Variants in ARHGAP23 observed in about 807,000 individuals in gnomAD.
ARHGAP23 encodes Rho GTPase activating protein 23.
ARHGAP23 carries 34 observed loss-of-function variants against 136.3 expected under a neutral mutation model. The observed-to-expected ratio is 0.25, with a 90% CI of 0.19 to 0.33. The LOEUF is 0.33. Among genes scored for constraint, ARHGAP23 ranks in the 10% least tolerant of loss-of-function variants. ARHGAP23 has a pLI of 1.00. For synonymous variants in ARHGAP23, 832 were observed against 920.5 expected (o/e 0.90, Z 1.74); for missense variants, 1,808 against 2,139.0 (o/e 0.85, Z 3.05).
At chr17:38,449,809 G>T (rs2039119137) in intron 1 of ARHGAP23, among the ~76,000 whole-genome samples, 1 of 152,158 alleles carries the variant, frequency 6.6e-6, no homozygotes, top group Non-Finnish European at 1.5e-5. Flanking sequence ...CTGGCAGTTT[G>T]GGGCCCACAT....
intron 10 of ARHGAP23, among the ~76,000 whole-genome samples, chr17:38,471,340 C>T (rs1363649373): frequency 2.0e-5 from 3 of 152,188 alleles, no homozygotes; most frequent in Admixed American, 6.5e-5. Context: ...GGTTGAACAC[C>T]CTGGTGATAT....
At chr17:38,445,652 T>TG (rs1267168840) in intron 1 of ARHGAP23, among the ~76,000 whole-genome samples, 8 of 144,578 alleles carry the variant, frequency 5.5e-5, no homozygotes, top group Non-Finnish European at 1.1e-4. Flanking sequence ...TTTTTTTTTT[T>TG]GAGACAGGGT....
Position 38,462,947 on chromosome 17 carries a change from C to G in ARHGAP23, c.349+6C>G. On this transcript the variant is annotated splice_donor_region_variant and intron_variant, in intron 4 of 23. Transcript: ENST00000622683. ...TAGGGCGGGGCTTCGCACAGGTGAG[C>G]TGGCCCAGTTACCTGGGCTCTACTT... The G allele has an allele frequency of 3.2e-6, 5 of 1,544,236 alleles. No homozygotes were observed. The highest frequency in any genetic ancestry group is 4.4e-6 in the Non-Finnish European group (5 of 1,144,952).
At chr17:38,478,399 G>T (rs116346915) in intron 12 of ARHGAP23, among the ~76,000 whole-genome samples, 1 of 148,438 alleles carries the variant, frequency 6.7e-6, no homozygotes, top group Non-Finnish European at 1.5e-5. Flanking sequence ...CAAGGGCCTC[G>T]GCAGGGATTT....
intron 1 of ARHGAP23, among the ~76,000 whole-genome samples, chr17:38,455,616 C>G (rs995238793): frequency 3.9e-5 from 6 of 152,284 alleles, no homozygotes; most frequent in Non-Finnish European, 7.4e-5. Context: ...GTGGCTTGAA[C>G]CTTAATCCAG....
In ARHGAP23 at chr17:38,441,754, G is replaced by C. The variant is rs572582705; in HGVS notation, c.63+13206G>C. On this transcript the variant is annotated intron_variant, in intron 1 of 23. Coordinates refer to ENST00000622683, the MANE Select transcript of ARHGAP23 (RefSeq NM_001199417.2). ...TGAGTCAAGGGAAGAAGGGGACGGG[G>C]AGGGGGCAGGCAGGCACTGTATTAT... Among the ~76,000 whole-genome samples, 4 of 152,318 alleles carry C rather than the reference G, an allele frequency of 2.6e-5. No individual in the cohort carries two copies. The South Asian group carries it at 8.3e-4, about 32-fold the overall frequency.
At chr17:38,453,898 C>T (rs1291543800) in intron 1 of ARHGAP23, 1 of 145,298 alleles carries the variant, frequency 6.9e-6, no homozygotes, top group African/African-American at 2.5e-5. Flanking sequence ...CCGCGCGGCG[C>T]GCGCGTCTCC....
In ARHGAP23 at chr17:38,482,032, T is replaced by C; in HGVS notation, c.2640T>C (p.Ala880=). 1.3e-6 allele frequency: 2 copies of C among 1,541,018 alleles called. No homozygotes were observed. Among genetic ancestry groups the C allele is most frequent in the Non-Finnish European group, 1.7e-6 (2 of 1,143,440 alleles). ...DLPAGSKDDS[A]AAPKTPWGIN... is the part of the protein sequence containing the mutation. Reference sequence around the variant, plus strand: ...TCTCCCCCACTTCAGATGACAGTGCTGCAGCCCCCAAAACCCCCTGGGGCA... The same window carrying C: ...TCTCCCCCACTTCAGATGACAGTGCCGCAGCCCCCAAAACCCCCTGGGGCA... Residue 880 remains alanine, a synonymous_variant, in exon 15 of 24, where the codon GCT becomes GCC. Coordinates refer to ENST00000622683, the MANE Select transcript of ARHGAP23 (RefSeq NM_001199417.2).
intron 1 of ARHGAP23, among the ~76,000 whole-genome samples, chr17:38,428,846 C>T (rs1179855621): frequency 6.6e-6 from 1 of 152,140 alleles, no homozygotes. Context: ...CCCCCAGCGG[C>T]TGGGCAGCGG....
intron 1 of ARHGAP23, among the ~76,000 whole-genome samples, chr17:38,452,760 GA>G (rs2039206600): frequency 6.6e-6 from 1 of 152,224 alleles, no homozygotes; most frequent in Non-Finnish European, 1.5e-5. Flanking sequence ...GCCCCATCCG[GA>G]TGGGGCCTGG....
chr17:38,470,708 T>C (rs1158340382), intron 10 of ARHGAP23, among the ~76,000 whole-genome samples: 2 of 151,768 alleles, frequency 1.3e-5, no homozygotes, highest in Non-Finnish European at 2.9e-5. Flanking sequence ...GGGTAATTTT[T>C]GTATTTTTAA....
chr17:38,445,139 G>A (rs1290536746), intron 1 of ARHGAP23, among the ~76,000 whole-genome samples: 8 of 151,004 alleles, frequency 5.3e-5, no homozygotes, highest in Admixed American at 5.3e-4. Context: ...GTGTGTGTTT[G>A]ATTTCTGACT....
At chr17:38,453,907 C>T (rs1288233528) in intron 1 of ARHGAP23, 1 of 145,540 alleles carries the variant, frequency 6.9e-6, no homozygotes, top group African/African-American at 2.5e-5. Context: ...GCGCGCGTCT[C>T]CGGAAGCCCG....
intron 1 of ARHGAP23, among the ~76,000 whole-genome samples, chr17:38,435,515 G>T (rs1006536369): frequency 8.5e-5 from 13 of 152,326 alleles, no homozygotes; most frequent in Non-Finnish European, 1.6e-4. Flanking sequence ...GGAGAACCTT[G>T]CCCCCGAATC....
chr17:38,504,776 G>T (rs914411310), intron 23 of ARHGAP23, among the ~76,000 whole-genome samples: 1 of 152,098 alleles, frequency 6.6e-6, no homozygotes, highest in Non-Finnish European at 1.5e-5. Context: ...TGACAGTCCT[G>T]TCTGTAGACG....
chr17:38,472,495 G>C (rs2144676367), intron 11 of ARHGAP23, among the ~76,000 whole-genome samples: 1 of 149,320 alleles, frequency 6.7e-6, no homozygotes, highest in South Asian at 2.1e-4. Flanking sequence ...GTGAGTTAGG[G>C]AGGGGCCATG....
At position 38,482,683 on chromosome 17, in the gene ARHGAP23, G is replaced by T; in HGVS notation, c.2907+5G>T. 4 of 1,546,056 alleles carry T rather than the reference G, an allele frequency of 2.6e-6. No homozygotes were observed. The highest frequency in any genetic ancestry group is 3.5e-6 in the Non-Finnish European group (4 of 1,144,508). The stretch of plus-strand genomic sequence containing the variant: ...GACATCAACCTGCAGGATGAGGTGG[G>T]TGAAGCTGGGGGGTCTGTGGAAGAG... On this transcript the variant is annotated splice_donor_5th_base_variant and intron_variant, in intron 16 of 23. Transcript: ENST00000622683.
chr17:38,475,872 G>A (rs972755955), intron 11 of ARHGAP23, among the ~76,000 whole-genome samples: 3 of 152,146 alleles, frequency 2.0e-5, no homozygotes, highest in Non-Finnish European at 4.4e-5. Flanking sequence ...TATGGCCAGA[G>A]AAGGCCTCAC....
chr17:38,431,794 C>T (rs1241961719), intron 1 of ARHGAP23, among the ~76,000 whole-genome samples: 1 of 152,200 alleles, frequency 6.6e-6, no homozygotes, highest in African/African-American at 2.4e-5. Context: ...CCCAAGGTCC[C>T]TCAGCCTCGG....
Sources: allele counts gnomAD v4.1 joint callset (sites outside exome capture counted in the v4.1 genomes callset), GRCh38; gene constraint gnomAD v4.1.1; transcripts MANE v1.5; gene names NCBI Gene and HGNC (gene_info 2026-07-23, HGNC 2026-07-21).